RABGAP1L: variants seen among roughly 807,000 people sequenced by gnomAD.
RABGAP1L encodes the protein RAB GTPase activating protein 1 like, also known as rab GTPase-activating protein 1-like.
A neutral mutation model predicts 137.7 loss-of-function variants in RABGAP1L; 63 were observed. The ratio of observed to expected loss-of-function variants is 0.46; its 90% CI spans 0.37 to 0.56. The LOEUF (loss-of-function observed/expected upper bound fraction) is 0.56, where lower values mean the gene tolerates loss of function less well. RABGAP1L is among the 20% of genes least tolerant of loss of function. The pLI is 0.00. For missense variants in RABGAP1L, 1,095 were observed against 1,244.0 expected (o/e 0.88, Z 1.80); for synonymous variants, 431 against 433.7 (o/e 0.99, Z 0.08).
intron 13 of RABGAP1L, among the ~76,000 whole-genome samples, chr1:174,635,466 A>G (rs868423165): frequency 1.3e-5 from 2 of 152,216 alleles, no homozygotes; most frequent in Non-Finnish European, 2.9e-5. Flanking sequence ...TCAAGACTCC[A>G]GACAAGATAA....
At chr1:174,297,065 G>A (rs984925513) in intron 10 of RABGAP1L, among the ~76,000 whole-genome samples, 1 of 152,198 alleles carries the variant, frequency 6.6e-6, no homozygotes, top group Non-Finnish European at 1.5e-5. Context: ...GCACATTTAG[G>A]TGCTACTACT....
intron 13 of RABGAP1L, among the ~76,000 whole-genome samples, chr1:174,600,955 G>C (rs1432146548): frequency 6.6e-6 from 1 of 152,156 alleles, no homozygotes; most frequent in Non-Finnish European, 1.5e-5. Flanking sequence ...CCCCATGAGG[G>C]CCCCACCCTG....
chr1:174,236,639 T>G (rs1280795889), intron 4 of RABGAP1L, among the ~76,000 whole-genome samples: 3 of 148,510 alleles, frequency 2.0e-5, no homozygotes, highest in Non-Finnish European at 3.0e-5. Context: ...AGAGACAGTT[T>G]GTTATAATTT....
At chr1:174,845,111 T>G (rs1693909645) in intron 19 of RABGAP1L, among the ~76,000 whole-genome samples, 1 of 150,126 alleles carries the variant, frequency 6.7e-6, no homozygotes, top group South Asian at 2.2e-4. Flanking sequence ...CTTATCAGCT[T>G]AAGGAGATTT....
rs1670854887 is a variant in RABGAP1L, at chr1:174,978,792, T to A, written c.2650-15T>A. On this transcript the variant is annotated splice_polypyrimidine_tract_variant and intron_variant, in intron 22 of 25. Transcript: ENST00000681986. ...TTTGGCTAAATCCTGATATTTCTCATTCTATTCTTTCTAGCTAAAAGAAGT... is the reference window on the plus strand; with the variant it reads ...TTTGGCTAAATCCTGATATTTCTCAATCTATTCTTTCTAGCTAAAAGAAGT... 3 of 1,521,862 alleles carry A rather than the reference T, an allele frequency of 2.0e-6. No homozygotes were observed. In the South Asian group the frequency reaches 3.8e-5, roughly 19 times the overall value. The allele number at this position is 1,521,862 out of a possible 1,614,324, so 94.3% of individuals were successfully genotyped here.
chr1:174,373,857 G>A (rs1016777372), intron 12 of RABGAP1L, among the ~76,000 whole-genome samples: 5 of 152,178 alleles, frequency 3.3e-5, no homozygotes, highest in African/African-American at 9.7e-5. Context: ...ACATCTTTGA[G>A]CAGAATACAG....
chr1:174,738,698 A>T (rs548427409), intron 17 of RABGAP1L, among the ~76,000 whole-genome samples: 1 of 152,314 alleles, frequency 6.6e-6, no homozygotes, highest in Non-Finnish European at 1.5e-5. Context: ...TGAAACTGTG[A>T]TATGGATCTT....
chr1:174,937,550 T>G (rs1665057540), intron 19 of RABGAP1L, among the ~76,000 whole-genome samples: 1 of 147,592 alleles, frequency 6.8e-6, no homozygotes, highest in Non-Finnish European at 1.5e-5. Context: ...CCTCCCAAAG[T>G]GCTGGGATTA....
chr1:174,231,585 A>C (rs1321659396), intron 4 of RABGAP1L, among the ~76,000 whole-genome samples: 1 of 152,148 alleles, frequency 6.6e-6, no homozygotes, highest in Non-Finnish European at 1.5e-5. Context: ...ATAATTGATA[A>C]AGAGAAGAGG....
chr1:174,534,794 A>G (rs1384852041), intron 13 of RABGAP1L, among the ~76,000 whole-genome samples: 9 of 127,206 alleles, frequency 7.1e-5, no homozygotes, highest in Non-Finnish European at 1.1e-4. Context: ...AAAAAAAAAA[A>G]AAAAAAAAAA....
chr1:174,162,775 C>CTTTTTTTT (rs1571316527), intron 1 of RABGAP1L, among the ~76,000 whole-genome samples: 2 of 23,442 alleles, frequency 8.5e-5, no homozygotes, highest in African/African-American at 1.8e-4. Context: ...TTTTCTCTTT[C>CTTTTTTTT]TGTTTTTTTT....
chr1:174,773,941 T>G (rs1345976553), intron 18 of RABGAP1L, among the ~76,000 whole-genome samples: 1 of 152,252 alleles, frequency 6.6e-6, no homozygotes, highest in Non-Finnish European at 1.5e-5. Flanking sequence ...TATGACCCTT[T>G]TTATCTGTAA....
At chr1:174,893,044 C>A in intron 19 of RABGAP1L, 2 of 272,894 alleles carry the variant, frequency 7.3e-6, no homozygotes, top group Non-Finnish European at 1.5e-5. Context: ...CCACGCCCAG[C>A]CAGGCTACCT....
intron 13 of RABGAP1L, among the ~76,000 whole-genome samples, chr1:174,636,058 C>T (rs1162115572): frequency 1.3e-5 from 2 of 152,062 alleles, no homozygotes; most frequent in Non-Finnish European, 2.9e-5. Flanking sequence ...AATATTTTCA[C>T]CATCAGTGTT....
At chr1:174,192,167 C>T (rs1345352836) in intron 1 of RABGAP1L, among the ~76,000 whole-genome samples, 3 of 152,104 alleles carry the variant, frequency 2.0e-5, no homozygotes, top group Non-Finnish European at 2.9e-5. Flanking sequence ...AATGATAATA[C>T]TCATTCCTGT....
intron 2 of RABGAP1L, among the ~76,000 whole-genome samples, chr1:174,220,439 G>C (rs1180695789): frequency 6.6e-6 from 1 of 152,110 alleles, no homozygotes; most frequent in African/African-American, 2.4e-5. Context: ...AGGCCAAGGT[G>C]GGCAGATTGC....
chr1:174,936,947 A>G (rs1351262224), intron 19 of RABGAP1L, among the ~76,000 whole-genome samples: 3 of 151,214 alleles, frequency 2.0e-5, no homozygotes, highest in African/African-American at 7.3e-5. Flanking sequence ...AGAATGAGGA[A>G]GGACCATAAT....
intron 13 of RABGAP1L, among the ~76,000 whole-genome samples, chr1:174,532,815 G>A (rs1445660663): frequency 1.3e-5 from 2 of 152,028 alleles, no homozygotes; most frequent in Non-Finnish European, 1.5e-5. Context: ...AAAAAAAATG[G>A]GGAGTAAGAA....
chr1:174,410,988 T>C (rs575504230), intron 13 of RABGAP1L, among the ~76,000 whole-genome samples: 11 of 152,184 alleles, frequency 7.2e-5, no homozygotes, highest in Non-Finnish European at 1.6e-4. Context: ...AGGTATATTT[T>C]TTTGTGTATG....
Sources: gnomAD v4.1 joint callset for allele counts (sites outside exome capture counted in the v4.1 genomes callset) on GRCh38, gnomAD v4.1.1 for gene constraint, MANE v1.5 for transcripts, NCBI Gene and HGNC (gene_info 2026-07-23, HGNC 2026-07-21) for gene names.